Variants in NCBP2 observed in about 807,000 individuals in gnomAD.
NCBP2 encodes nuclear cap binding protein subunit 2.
A neutral mutation model predicts 21.5 loss-of-function variants in NCBP2; 8 were observed. The observed-to-expected ratio is 0.37, with a 90% CI of 0.22 to 0.67. The LOEUF is 0.67. Among genes scored for constraint, NCBP2 ranks in the 30% least tolerant of loss-of-function variants. The pLI is 0.56. For synonymous variants in NCBP2, 92 were observed against 75.8 expected, an observed-to-expected ratio of 1.21 and a Z score of -1.11; for missense variants, 127 against 206.9, an observed-to-expected ratio of 0.61 and a Z score of 2.37.
At chr3:196,939,462 G>A in intron 1 of NCBP2, 30 bp from the exon 2 acceptor site, 1 of 1,501,056 alleles carries the variant, frequency 6.7e-7, no homozygotes, top group Non-Finnish European at 9.1e-7. Context: ...CAAAAGTTAA[G>A]CAACTTCAGA....
chr3:196,940,463 T>C (rs1232131725), intron 1 of NCBP2, among the ~76,000 whole-genome samples: 3 of 152,212 alleles, frequency 2.0e-5, no homozygotes, highest in African/African-American at 7.2e-5. Context: ...AGTAAATTCC[T>C]TTCATTTTAC....
chr3:196,939,456 A>G, intron 1 of NCBP2, 24 bp from the exon 2 acceptor site: 1 of 1,535,394 alleles, frequency 6.5e-7, no homozygotes. Flanking sequence ...TAGAGACAAA[A>G]GTTAAGCAAC....
intron 1 of NCBP2, 110 bp downstream of exon 1, chr3:196,942,316 G>T: frequency 6.5e-7 from 1 of 1,533,910 alleles, no homozygotes; most frequent in Non-Finnish European, 8.8e-7. Flanking sequence ...GGCCCCACTT[G>T]GCGTTTGCGG....
intron 1 of NCBP2, chr3:196,942,034 T>A (rs1239707321): frequency 3.9e-6 from 6 of 1,535,682 alleles, no homozygotes; most frequent in Non-Finnish European, 2.6e-6. Flanking sequence ...AAGCCCCGCA[T>A]CTGCATCAGG....
Position 196,937,542 on chromosome 3 carries a change from T to C in NCBP2, c.367A>G (p.Arg123Gly), listed in dbSNP as rs754735060. The part of the protein sequence containing the change: ...TDWDAGFKEG[R>G]QYGRGRSGGQ... ...CCAGATCGCCCACGGCCGTATTGCC[T>C]GCCCTCCTTAAAGCCTGCGTCCCAG... The change falls in exon 3 of 4, where the codon AGG becomes GGG. Residue 123 changes from arginine (R) to glycine (G), a missense_variant. Transcript: ENST00000321256. The C allele has an allele frequency of 6.2e-7, 1 of 1,614,198 alleles. No homozygotes were observed. The highest frequency in any genetic ancestry group is 1.7e-5 in the Admixed American group (1 of 60,034).
In NCBP2 at chr3:196,936,998, G is replaced by C; in HGVS notation, c.*13C>G. ...GCCAAAGGAGTGTTTGTCACTGACA[G>C]AGCTCTCACCACTCACTGGTTCTGT... is the stretch of plus-strand genomic sequence containing the variant. On this transcript the variant is annotated 3_prime_UTR_variant, in exon 4 of 4. Coordinates refer to ENST00000321256, the MANE Select transcript of NCBP2 (RefSeq NM_007362.5). The C allele has an allele frequency of 6.2e-7, 1 of 1,613,588 alleles. No homozygotes were observed. Among genetic ancestry groups the C allele is most frequent in the Non-Finnish European group, 8.5e-7 (1 of 1,179,482 alleles).
rs1232838383 is a variant in NCBP2 at position 196,935,500 on chromosome 3, C to CA, written c.*1510dup. ...AAATCTGAGTTATGTTGTTTTACTA[C>CA]AAAAGAATATAAAACACATTAAATT... On this transcript the variant is annotated 3_prime_UTR_variant, in exon 4 of 4. Transcript: ENST00000321256. 6.6e-6 allele frequency: 1 copy of CA among 152,090 alleles called. No individual in the cohort carries two copies. Among genetic ancestry groups the CA allele is most frequent in the African/African-American group, 2.4e-5 (1 of 41,418 alleles). 9.4% of individuals were successfully genotyped at this position (152,090 alleles called of 1,614,324 possible).
At chr3:196,942,181 C>G in intron 1 of NCBP2, 1 of 1,456,408 alleles carries the variant, frequency 6.9e-7, no homozygotes, top group Non-Finnish European at 9.0e-7. Flanking sequence ...GGCTGGGGTA[C>G]AGGGAGCGGC....
chr3:196,941,926 C>T, intron 1 of NCBP2: 2 of 1,536,244 alleles, frequency 1.3e-6, no homozygotes, highest in Non-Finnish European at 1.7e-6. Flanking sequence ...ACTTGTGTCT[C>T]CCACGCACCG....
chr3:196,936,939 G>A lies in NCBP2; in HGVS notation c.*72C>T. 1 of 1,411,056 alleles carries A rather than the reference G, an allele frequency of 7.1e-7. No individual in the cohort carries two copies. Among genetic ancestry groups the A allele is most frequent in the East Asian group, 2.3e-5 (1 of 43,920 alleles). The allele number at this position is 1,411,056 out of a possible 1,614,324, so 87.4% of individuals were successfully genotyped here. ...CTTGGTAAAAATGGGCTCGTGTGCA[G>A]ACTTTAGGTGATGTTCTTCAGCAAA... is the stretch of plus-strand genomic sequence containing the variant. On this transcript the variant is annotated 3_prime_UTR_variant, in exon 4 of 4. Transcript: ENST00000321256.
At chr3:196,937,418 T>C in intron 3 of NCBP2, 92 bp downstream of exon 3, 3 of 1,555,456 alleles carry the variant, frequency 1.9e-6, no homozygotes, top group Non-Finnish European at 1.7e-6. Flanking sequence ...CACAAAGTTA[T>C]TTACAAAAGA....
rs773434573 is a variant in NCBP2 at position 196,937,645 on chromosome 3, ATATCT to A, written c.261-2_263del. On this transcript the variant is annotated splice_acceptor_variant and coding_sequence_variant, in exon 3 of 4. Coordinates refer to ENST00000321256, the MANE Select transcript of NCBP2 (RefSeq NM_007362.5). LOFTEE classifies it high-confidence loss of function. Reference sequence around the variant, plus strand: ...CGTTTTCCGCATCTGCGCGTGAGTAATATCTTAAGTATTAAGGAACACTAGCATTT... The same window carrying A: ...CGTTTTCCGCATCTGCGCGTGAGTAATAAGTATTAAGGAACACTAGCATTT... 6 of 1,614,064 alleles carry A rather than the reference ATATCT, an allele frequency of 3.7e-6. No individual in the cohort carries two copies. The highest frequency in any genetic ancestry group is 5.1e-6 in the Non-Finnish European group (6 of 1,180,010).
At chr3:196,939,021 C>G in intron 2 of NCBP2, 1 of 397,662 alleles carries the variant, frequency 2.5e-6, no homozygotes, top group Non-Finnish European at 4.5e-6. Context: ...TTTTTTTTTA[C>G]GTGAAGGGCA....
At position 196,936,893 on chromosome 3, in the gene NCBP2, C is replaced by T. The variant is rs1716289169; in HGVS notation, c.*118G>A. 6.8e-6 allele frequency: 6 copies of T among 882,432 alleles called. No individual in the cohort carries two copies. In the South Asian group the frequency reaches 8.5e-5, roughly 13 times the overall value. The allele number at this position is 882,432 out of a possible 1,614,324, so 54.7% of individuals were successfully genotyped here. A position where few individuals can be genotyped will look rare whatever the true frequency, so the allele number is the denominator to read the frequency against. ...TAATAACTTTCAGAGGCTTCCAGCT[C>T]AGTAAAGACACTGATCAAATCTTGG... On this transcript the variant is annotated 3_prime_UTR_variant, in exon 4 of 4. Coordinates refer to ENST00000321256, the MANE Select transcript of NCBP2 (RefSeq NM_007362.5).
Position 196,937,614 on chromosome 3 carries a change from G to A in NCBP2, c.295C>T (p.Arg99Trp), listed in dbSNP as rs772956368. ...TCCAGACGCGTCCCATTTATGTACC[G>A]CATGGCGTTTTCCGCATCTGCGCGT... is the stretch of plus-strand genomic sequence containing the variant. ...YSRADAENAM[R>W]YINGTRLDDR... Residue 99 changes from arginine to tryptophan, a missense_variant, in exon 3 of 4, where the codon CGG (arginine) becomes TGG (tryptophan). Transcript: ENST00000321256. 8 of 1,614,012 alleles carry A rather than the reference G, an allele frequency of 5.0e-6. No individual in the cohort carries two copies. The highest frequency in any genetic ancestry group is 2.2e-5 in the East Asian group (1 of 44,900).
intron 1 of NCBP2, chr3:196,941,983 G>C: frequency 6.5e-7 from 1 of 1,536,268 alleles, no homozygotes; most frequent in South Asian, 1.2e-5. Context: ...GGCCCGAATC[G>C]CCGAAGGGCA....
chr3:196,941,935 C>T, intron 1 of NCBP2: 1 of 1,536,286 alleles, frequency 6.5e-7, no homozygotes, highest in Non-Finnish European at 8.7e-7. Flanking sequence ...TCCCACGCAC[C>T]GCGTACAGCT....
intron 1 of NCBP2, chr3:196,941,579 G>A: frequency 8.4e-6 from 3 of 359,164 alleles, no homozygotes; most frequent in South Asian, 4.2e-5. Flanking sequence ...CTCGCAGAGC[G>A]CAGAAACTGT....
In NCBP2 at chr3:196,936,900, G is replaced by T; in HGVS notation, c.*111C>A. 1 of 963,982 alleles carries T rather than the reference G, an allele frequency of 1.0e-6. No homozygotes were observed. The highest frequency in any genetic ancestry group is 1.7e-6 in the Non-Finnish European group (1 of 593,684). The allele number at this position is 963,982 out of a possible 1,614,324, so 59.7% of individuals were successfully genotyped here. On this transcript the variant is annotated 3_prime_UTR_variant, in exon 4 of 4. Transcript: ENST00000321256. ...TTTCAGAGGCTTCCAGCTCAGTAAAGACACTGATCAAATCTTGGTAAAAAT... is the reference window on the plus strand; with the variant it reads ...TTTCAGAGGCTTCCAGCTCAGTAAATACACTGATCAAATCTTGGTAAAAAT...
Sources: allele counts gnomAD v4.1 joint callset (sites outside exome capture counted in the v4.1 genomes callset), GRCh38; gene constraint gnomAD v4.1.1; transcripts MANE v1.5; gene names NCBI Gene and HGNC (gene_info 2026-07-23, HGNC 2026-07-21).